The following ARID3A variants were observed in gnomAD, a reference collection of about 807,000 sequenced individuals.
ARID3A encodes AT-rich interactive domain-containing protein 3A.
In ARID3A, 11 loss-of-function variants were observed where a neutral mutation model predicts 52.7. That is an observed-to-expected ratio of 0.21 (90% CI 0.13 to 0.35). The LOEUF is 0.35. ARID3A is among the 10% of genes least tolerant of loss of function. ARID3A has a pLI of 1.00. For synonymous variants in ARID3A, 404 were observed against 359.4 expected, an observed-to-expected ratio of 1.12 and a Z score of -1.40; for missense variants, 721 against 838.5, an observed-to-expected ratio of 0.86 and a Z score of 1.73.
chr19:926,016 C>T (rs1390976520), upstream of ARID3A: 1 of 150,230 alleles, frequency 6.7e-6, no homozygotes, highest in African/African-American at 2.4e-5. Flanking sequence ...CGCCTCTTAC[C>T]AATCGGGCGG....
chr19:961,213 G>A (rs1279404825), intron 4 of ARID3A, among the ~76,000 whole-genome samples: 1 of 152,124 alleles, frequency 6.6e-6, no homozygotes, highest in African/African-American at 2.4e-5. Context: ...CCGTCACAGG[G>A]GCCCGCTGTG....
At chr19:933,070 T>A (rs350148) in intron 3 of ARID3A, among the ~76,000 whole-genome samples, 4,220 of 152,136 alleles carry the variant, frequency 0.028, 99 homozygotes, top group South Asian at 0.066. Context: ...CGAGCTGGGC[T>A]TGGGTTGGAG....
intron 3 of ARID3A, among the ~76,000 whole-genome samples, chr19:956,041 C>T (rs911308800): frequency 3.3e-5 from 5 of 152,184 alleles, no homozygotes; most frequent in African/African-American, 1.2e-4. Flanking sequence ...CGACCGTCTC[C>T]AGTGCCCACC....
At chr19:957,858 A>C (rs1486652347) in intron 3 of ARID3A, among the ~76,000 whole-genome samples, 1 of 151,560 alleles carries the variant, frequency 6.6e-6, no homozygotes, top group Admixed American at 6.6e-5. Context: ...AACAAACAAA[A>C]AAAAGACTTT....
Position 942,071 on chromosome 19 carries a change from G to A in ARID3A, c.693+9329G>A, listed in dbSNP as rs2037567936. Reference sequence around the variant, plus strand: ...CAGCGCGCGTCGGCCGCGGGGCACAGATCAGCGCCTCCCCTGCCCGCCATG... The same window carrying A: ...CAGCGCGCGTCGGCCGCGGGGCACAAATCAGCGCCTCCCCTGCCCGCCATG... On this transcript the variant is annotated intron_variant, in intron 3 of 8. Coordinates refer to ENST00000263620, the MANE Select transcript of ARID3A (RefSeq NM_005224.3). This position sits in a 1 kb window ranked among gnomAD's most constrained non-coding sequence, Gnocchi z 8.1. Among the ~76,000 whole-genome samples the A allele has an allele frequency of 6.6e-6, 1 of 152,182 alleles. No individual in the cohort carries two copies. The highest frequency in any genetic ancestry group is 1.5e-5 in the Non-Finnish European group (1 of 68,018).
In ARID3A at chr19:975,907, C is replaced by T. The variant is rs1426091687; in HGVS notation, c.*3842C>T. 4 of 180,490 alleles carry T rather than the reference C, an allele frequency of 2.2e-5. No homozygotes were observed. Among genetic ancestry groups the T allele is most frequent in the South Asian group, 2.0e-4 (1 of 5,064 alleles). 11.2% of individuals were successfully genotyped at this position (180,490 alleles called of 1,614,324 possible). A position where few individuals can be genotyped will look rare whatever the true frequency, so the allele number is the denominator to read the frequency against. On this transcript the variant is annotated 3_prime_UTR_variant, in exon 9 of 9. Transcript: ENST00000263620. ...CTGTAAAGCTGATGAGATATTAAAA[C>T]GAGACAAAACACTTCTGACTTTTAA... is the stretch of plus-strand genomic sequence containing the variant.
chr19:926,347 TGGG>T (rs1467509306), intron 1 of ARID3A, among the ~76,000 whole-genome samples: 2 of 151,564 alleles, frequency 1.3e-5, no homozygotes, highest in Non-Finnish European at 2.9e-5. Context: ...CCTGGCGGGC[TGGG>T]GTTCGGGGAG....
chr19:968,286 G>T (rs2038203152), intron 7 of ARID3A, 119 bp from the exon 8 acceptor site: 10 of 759,912 alleles, frequency 1.3e-5, no homozygotes, highest in Non-Finnish European at 2.0e-5. Context: ...GTGAACCCAG[G>T]AGGCAGAGCT....
intron 3 of ARID3A, among the ~76,000 whole-genome samples, chr19:939,403 C>T (rs35569677): frequency 0.061 from 9,243 of 152,224 alleles, 377 homozygotes; most frequent in African/African-American, 0.1. Flanking sequence ...AGGCCTGAGC[C>T]ACCGCGCCCG....
chr19:949,011 G>A (rs112510811), intron 3 of ARID3A, among the ~76,000 whole-genome samples: 1,578 of 152,146 alleles, frequency 0.01, 19 homozygotes, highest in African/African-American at 0.026. Flanking sequence ...GCCACCGCGC[G>A]TGGCCATCCT....
At chr19:968,327 C>T in intron 7 of ARID3A, 78 bp from the exon 8 acceptor site, 1 of 1,319,462 alleles carries the variant, frequency 7.6e-7, no homozygotes, top group South Asian at 1.3e-5. Flanking sequence ...CCACTGCACT[C>T]CAGCCTGGGC....
At position 929,781 on chromosome 19, in the gene ARID3A, C is replaced by G; in HGVS notation, c.253C>G (p.Pro85Ala). Residue 85 changes from proline to alanine, a missense_variant, in exon 2 of 9, where the codon CCC becomes GCC. Physicochemically the swap from Pro to Ala is conservative, Grantham distance 27. This residue lies in a region of ARID3A where 349 missense variants were observed against 297.3 expected (regional missense o/e 1.17). Transcript: ENST00000263620. This position sits in a 1 kb window ranked among gnomAD's most constrained non-coding sequence, Gnocchi z 6.2. Reference sequence around the variant, plus strand: ...CAGCCCCGGCGGCTCTGAGGATGGGCCCCCAGGCTCGGAGGAGGAGGACGC... The same window carrying G: ...CAGCCCCGGCGGCTCTGAGGATGGGGCCCCAGGCTCGGAGGAGGAGGACGC... ...PASPGGSEDGPPGSEEEDAAR... is the reference protein window; with the variant it reads ...PASPGGSEDGAPGSEEEDAAR... The G allele has an allele frequency of 6.5e-7, 1 of 1,548,866 alleles. No homozygotes were observed. The highest frequency in any genetic ancestry group is 8.7e-7 in the Non-Finnish European group (1 of 1,151,270).
At chr19:954,785 C>T (rs761749527) in intron 3 of ARID3A, among the ~76,000 whole-genome samples, 9 of 129,860 alleles carry the variant, frequency 6.9e-5, no homozygotes, top group Admixed American at 4.2e-4. Context: ...GCCTCGCAGA[C>T]GGGAGGAACA....
rs1310363609 is a variant in ARID3A, at chr19:972,630, A to T, written c.*565A>T. Reference sequence around the variant, plus strand: ...TGTTTTTTTCTTGTTGCTTTGGGAAATTTTTTTTTCTCTGTAGGGTTTTTA... The same window carrying T: ...TGTTTTTTTCTTGTTGCTTTGGGAATTTTTTTTTTCTCTGTAGGGTTTTTA... On this transcript the variant is annotated 3_prime_UTR_variant, in exon 9 of 9. Transcript: ENST00000263620. The T allele has an allele frequency of 5.9e-5, 13 of 218,506 alleles. No homozygotes were observed. Among genetic ancestry groups the T allele is most frequent in the African/African-American group, 1.4e-4 (6 of 43,436 alleles). The allele number at this position is 218,506 out of a possible 1,614,324, so 13.5% of individuals were successfully genotyped here. A position where few individuals can be genotyped will look rare whatever the true frequency, so the allele number is the denominator to read the frequency against.
At chr19:933,850 G>T (rs574601430) in intron 3 of ARID3A, among the ~76,000 whole-genome samples, 4 of 148,298 alleles carry the variant, frequency 2.7e-5, no homozygotes, top group Admixed American at 2.0e-4. Context: ...ACTCGGTGGG[G>T]GGGGGGGGCG....
At chr19:940,034 C>T (rs529373193) in intron 3 of ARID3A, among the ~76,000 whole-genome samples, 6 of 151,994 alleles carry the variant, frequency 3.9e-5, no homozygotes, top group African/African-American at 1.2e-4. Context: ...CCACATCCCT[C>T]GAGGGGTCAG....
rs763272178 is a variant in ARID3A at position 947,430 on chromosome 19, C to T, written c.694-12662C>T. Among the ~76,000 whole-genome samples, 1 of 152,310 alleles carries T rather than the reference C, an allele frequency of 6.6e-6. No homozygotes were observed. Among genetic ancestry groups the T allele is most frequent in the Non-Finnish European group, 1.5e-5 (1 of 68,026 alleles). On this transcript the variant is annotated intron_variant, in intron 3 of 8. Coordinates refer to ENST00000263620, the MANE Select transcript of ARID3A (RefSeq NM_005224.3). This position sits in a 1 kb window ranked among gnomAD's most constrained non-coding sequence, Gnocchi z 6.3. The stretch of plus-strand genomic sequence containing the variant: ...ATCTCAGCACCAGGCCTGTCGCTGC[C>T]GTCCTGGACTCGTGGGCCTCAGTTT...
chr19:962,017 TC>T (rs780533371), intron 4 of ARID3A: 1 of 152,118 alleles, frequency 6.6e-6, no homozygotes, highest in South Asian at 2.1e-4. Flanking sequence ...CAGCTTTACC[TC>T]CCTCTCCAAG....
chr19:928,823 C>T (rs1443043656), intron 1 of ARID3A: 1 of 152,296 alleles, frequency 6.6e-6, no homozygotes, highest in African/African-American at 2.4e-5. Context: ...CCGTATACAA[C>T]AGGCGCTCAA....
Sources: allele counts gnomAD v4.1 joint callset (sites outside exome capture counted in the v4.1 genomes callset), GRCh38; gene constraint gnomAD v4.1.1; regional missense constraint gnomAD v4.1.1; non-coding constraint Gnocchi (gnomAD v3.1); transcripts MANE v1.5; gene names NCBI Gene and HGNC (gene_info 2026-07-23, HGNC 2026-07-21).